The following KDM4C variants were observed in gnomAD, a reference collection of about 807,000 sequenced individuals.
KDM4C encodes the protein lysine-specific demethylase 4C.
KDM4C carries 81 observed loss-of-function variants against 129.3 expected under a neutral mutation model. The observed-to-expected ratio is 0.63, with a 90% CI of 0.52 to 0.75. KDM4C has a LOEUF of 0.75. Ranked by LOEUF, KDM4C falls within the 30% of genes least tolerant of loss-of-function variation. The pLI, the probability that KDM4C is intolerant of heterozygous loss-of-function variation, is 0.00. For synonymous variants in KDM4C, 573 were observed against 456.1 expected (o/e 1.26, Z -3.26); for missense variants, 1,457 against 1,304.0 (o/e 1.12, Z -1.81).
intron 4 of KDM4C, among the ~76,000 whole-genome samples, chr9:6,828,630 G>A (rs1261259025): frequency 1.4e-5 from 2 of 138,130 alleles, no homozygotes; most frequent in African/African-American, 7.1e-5. Context: ...CAGTACTTTG[G>A]GAGGCTGAGG....
At chr9:6,780,584 T>C (rs1414313760) in intron 1 of KDM4C, among the ~76,000 whole-genome samples, 1 of 151,676 alleles carries the variant, frequency 6.6e-6, no homozygotes. Flanking sequence ...CCTGGAAACA[T>C]GGCAAAACCT....
At chr9:7,101,650 G>C (rs1034685915) in intron 17 of KDM4C, among the ~76,000 whole-genome samples, 5 of 152,164 alleles carry the variant, frequency 3.3e-5, no homozygotes, top group Non-Finnish European at 5.9e-5. Flanking sequence ...ATCCTCTCTG[G>C]GCTTGAGTGT....
At chr9:7,078,549 T>C (rs1834180167) in intron 17 of KDM4C, among the ~76,000 whole-genome samples, 1 of 152,188 alleles carries the variant, frequency 6.6e-6, no homozygotes, top group Non-Finnish European at 1.5e-5. Context: ...CTGATATCTT[T>C]AGTAGTAATT....
At chr9:6,721,628 G>C (rs1250697812) in intron 1 of KDM4C, among the ~76,000 whole-genome samples, 1 of 137,804 alleles carries the variant, frequency 7.3e-6, no homozygotes, top group African/African-American at 2.8e-5. Context: ...TCGCTCTTTT[G>C]CCCAGGCTGT....
intron 1 of KDM4C, among the ~76,000 whole-genome samples, chr9:6,785,299 C>G (rs1421962956): frequency 2.0e-5 from 3 of 151,408 alleles, no homozygotes; most frequent in African/African-American, 7.3e-5. Flanking sequence ...CCTCCATCTT[C>G]ACATGGCACT....
At chr9:7,019,599 G>A (rs1231731991) in intron 15 of KDM4C, among the ~76,000 whole-genome samples, 4 of 150,198 alleles carry the variant, frequency 2.7e-5, no homozygotes, top group Admixed American at 6.7e-5. Flanking sequence ...GCTTTTCAAC[G>A]CCTCGTGTTC....
chr9:6,873,935 AGAGAGC>A (rs1284036298), intron 5 of KDM4C, among the ~76,000 whole-genome samples: 169 of 125,192 alleles, frequency 1.3e-3, no homozygotes, highest in Middle Eastern at 4.4e-3. Context: ...AGAGAGTGAG[AGAGAGC>A]GAGAGAGAGA....
chr9:6,914,109 G>A (rs959693292), intron 8 of KDM4C, among the ~76,000 whole-genome samples: 4 of 152,156 alleles, frequency 2.6e-5, no homozygotes, highest in Admixed American at 2.0e-4. Context: ...GTCCAGGCTG[G>A]AGTGCAATGG....
intron 4 of KDM4C, among the ~76,000 whole-genome samples, chr9:6,837,734 G>A (rs897650515): frequency 1.3e-5 from 2 of 151,966 alleles, no homozygotes; most frequent in Non-Finnish European, 2.9e-5. Flanking sequence ...AACTATCCCA[G>A]TTATATTTGT....
chr9:6,826,728 A>C (rs985699882), intron 4 of KDM4C, among the ~76,000 whole-genome samples: 4 of 152,060 alleles, frequency 2.6e-5, no homozygotes, highest in African/African-American at 4.8e-5. Flanking sequence ...TTAGCCAGGC[A>C]TGGTGGCAGG....
chr9:6,919,637 G>A (rs1024404588), intron 8 of KDM4C, among the ~76,000 whole-genome samples: 4 of 151,352 alleles, frequency 2.6e-5, no homozygotes, highest in South Asian at 2.1e-4. Flanking sequence ...GTGCAATGGC[G>A]CGATCTTGGC....
intron 8 of KDM4C, among the ~76,000 whole-genome samples, chr9:6,960,104 C>T (rs958587497): frequency 1.3e-4 from 19 of 151,812 alleles, no homozygotes; most frequent in Non-Finnish European, 2.1e-4. Flanking sequence ...TCAAGACCTT[C>T]CCAAAGTCAC....
chr9:7,144,190 A>T (rs2129950762), intron 19 of KDM4C, among the ~76,000 whole-genome samples: 1 of 151,422 alleles, frequency 6.6e-6, no homozygotes, highest in South Asian at 2.1e-4. Context: ...GGCTCAAGCG[A>T]TACGCTCACC....
chr9:6,776,177 T>C (rs1416774500), intron 1 of KDM4C, among the ~76,000 whole-genome samples: 1 of 152,226 alleles, frequency 6.6e-6, no homozygotes, highest in Non-Finnish European at 1.5e-5. Context: ...CTTGAACTCC[T>C]GGGCTCTGGG....
At chr9:6,999,258 G>T (rs1174505504) in intron 12 of KDM4C, among the ~76,000 whole-genome samples, 1 of 152,124 alleles carries the variant, frequency 6.6e-6, no homozygotes, top group Admixed American at 6.5e-5. Flanking sequence ...TTAATTTTGT[G>T]TCTCTTATTT....
chr9:7,061,202 G>C (rs1207005135), intron 17 of KDM4C, among the ~76,000 whole-genome samples: 1 of 152,156 alleles, frequency 6.6e-6, no homozygotes, highest in Non-Finnish European at 1.5e-5. Context: ...ACATACAGTG[G>C]TTGGATAGGT....
At chr9:6,916,535 T>C (rs923329201) in intron 8 of KDM4C, among the ~76,000 whole-genome samples, 1 of 152,114 alleles carries the variant, frequency 6.6e-6, no homozygotes, top group African/African-American at 2.4e-5. Flanking sequence ...GCTGGGATTA[T>C]AGGAGTGAGC....
intron 8 of KDM4C, among the ~76,000 whole-genome samples, chr9:6,940,927 T>C (rs956267031): frequency 6.6e-6 from 1 of 152,178 alleles, no homozygotes; most frequent in Non-Finnish European, 1.5e-5. Context: ...CTGCTCTACA[T>C]TGGGTGAGCT....
At chr9:6,809,784 A>C (rs1004074857) in intron 3 of KDM4C, among the ~76,000 whole-genome samples, 2 of 152,174 alleles carry the variant, frequency 1.3e-5, no homozygotes, top group African/African-American at 4.8e-5. Context: ...GGAATGCTTG[A>C]ACCCAGGAGT....
Sources: gnomAD v4.1 joint callset for allele counts (sites outside exome capture counted in the v4.1 genomes callset) on GRCh38, gnomAD v4.1.1 for gene constraint, MANE v1.5 for transcripts, NCBI Gene and HGNC (gene_info 2026-07-23, HGNC 2026-07-21) for gene names.